The following DLGAP1 variants were observed in gnomAD, a reference collection of about 807,000 sequenced individuals.
The protein encoded by DLGAP1 is DLG associated protein 1.
A neutral mutation model predicts 90.8 loss-of-function variants in DLGAP1; 11 were observed. That is an observed-to-expected ratio of 0.12 (90% CI 0.08 to 0.20). The LOEUF is 0.20. Ranked by LOEUF, DLGAP1 falls within the 10% of genes least tolerant of loss-of-function variation. DLGAP1 has a pLI of 1.00. For missense variants in DLGAP1, 1,050 were observed against 1,333.8 expected (o/e 0.79, Z 3.31); for synonymous variants, 558 against 540.7 (o/e 1.03, Z -0.44).
chr18:4,247,918 T>C (rs1386948652), intron 1 of DLGAP1, among the ~76,000 whole-genome samples: 1 of 152,210 alleles, frequency 6.6e-6, no homozygotes, highest in Non-Finnish European at 1.5e-5. Flanking sequence ...TTATTTCTAT[T>C]TGATCTTCAA....
At chr18:3,702,264 G>A (rs1486883036) in intron 7 of DLGAP1, among the ~76,000 whole-genome samples, 1 of 152,118 alleles carries the variant, frequency 6.6e-6, no homozygotes, top group Non-Finnish European at 1.5e-5. Context: ...CCTGACCTCA[G>A]GTGATCCGCC....
At chr18:3,542,984 T>C (rs1459194554) in intron 9 of DLGAP1, among the ~76,000 whole-genome samples, 1 of 152,196 alleles carries the variant, frequency 6.6e-6, no homozygotes, top group Non-Finnish European at 1.5e-5. Flanking sequence ...TAGGAGTCTC[T>C]ATCTATATGT....
intron 7 of DLGAP1, among the ~76,000 whole-genome samples, chr18:3,685,105 T>C (rs1181254725): frequency 1.3e-5 from 2 of 152,210 alleles, no homozygotes; most frequent in African/African-American, 4.8e-5. Context: ...AATAAGCATA[T>C]CTTCCATGCT....
At chr18:4,443,749 T>A (rs2083593082) in intron 1 of DLGAP1, among the ~76,000 whole-genome samples, 1 of 152,218 alleles carries the variant, frequency 6.6e-6, no homozygotes, top group Non-Finnish European at 1.5e-5. Flanking sequence ...TCACTTTAGA[T>A]ATGCCAATAT....
Position 3,887,644 on chromosome 18 carries a change from T to C in DLGAP1, c.-72-7504A>G, listed in dbSNP as rs1008638924. ...GTCTGAACACATACATGACATTTTT[T>C]TTTAGACAGAACAAAATTAATTTTC... is the stretch of plus-strand genomic sequence containing the variant. On this transcript the variant is annotated intron_variant, in intron 3 of 12. Transcript: ENST00000315677. 3.9e-5 allele frequency among the ~76,000 whole-genome samples: 6 copies of C among 152,204 alleles called. No homozygotes were observed. In the East Asian group the frequency reaches 1.2e-3, roughly 29 times the overall value.
At chr18:3,785,351 T>C (rs2065398037) in intron 5 of DLGAP1, among the ~76,000 whole-genome samples, 1 of 152,000 alleles carries the variant, frequency 6.6e-6, no homozygotes. Flanking sequence ...AAGGAAAACA[T>C]CCCCTTCGCC....
At chr18:4,108,767 G>A (rs982417353) in intron 2 of DLGAP1, among the ~76,000 whole-genome samples, 4 of 152,158 alleles carry the variant, frequency 2.6e-5, no homozygotes, top group African/African-American at 9.7e-5. Context: ...ACTTGGTACA[G>A]GTCAGACACA....
chr18:4,069,959 C>T (rs2075423316), intron 2 of DLGAP1, among the ~76,000 whole-genome samples: 2 of 151,726 alleles, frequency 1.3e-5, no homozygotes, highest in African/African-American at 4.8e-5. Flanking sequence ...CAGACAAAGG[C>T]TTAATCCATA....
intron 1 of DLGAP1, among the ~76,000 whole-genome samples, chr18:4,423,438 C>T (rs772847122): frequency 5.3e-5 from 8 of 152,268 alleles, no homozygotes; most frequent in Admixed American, 2.0e-4. Context: ...ACTAAGTGCA[C>T]GGCATTTCAC....
intron 1 of DLGAP1, among the ~76,000 whole-genome samples, chr18:4,350,031 C>A (rs1285030599): frequency 6.6e-6 from 1 of 152,058 alleles, no homozygotes; most frequent in Non-Finnish European, 1.5e-5. Context: ...CTAAAGGATG[C>A]AATTAAAACC....
At chr18:4,230,616 T>C (rs1607969) in intron 1 of DLGAP1, among the ~76,000 whole-genome samples, 2,346 of 150,800 alleles carry the variant, frequency 0.016, 30 homozygotes, top group Middle Eastern at 0.048. Flanking sequence ...AATAGAATGA[T>C]GGTTGTCAGA....
At chr18:4,076,299 G>GGTAGAATA (rs2075522189) in intron 2 of DLGAP1, among the ~76,000 whole-genome samples, 1 of 152,046 alleles carries the variant, frequency 6.6e-6, no homozygotes, top group African/African-American at 2.4e-5. Context: ...GTTAAACACA[G>GGTAGAATA]GTAGAATAAA....
At position 3,582,242 on chromosome 18, in the gene DLGAP1, G is replaced by C; in HGVS notation, c.1598C>G (p.Ser533Cys). 1 of 1,611,618 alleles carries C rather than the reference G, an allele frequency of 6.2e-7. No homozygotes were observed. Among genetic ancestry groups the C allele is most frequent in the Non-Finnish European group, 8.5e-7 (1 of 1,178,392 alleles). ...TGTCTTCTTATATGTTGTAATGCAA[G>C]ATGACACTGGAAGACAGTGAAAACA... The part of the protein sequence containing the change: ...VRTIQSSTVS[S>C]CITTYKKTPP... Residue 533 changes from serine (S) to cysteine (C), a missense_variant, in exon 8 of 13, where the codon TCT becomes TGT. Physicochemically the swap from Ser to Cys is moderately radical, Grantham distance 112. Coordinates refer to ENST00000315677, the MANE Select transcript of DLGAP1 (RefSeq NM_004746.4).
chr18:3,865,534 T>A (rs1310783228), intron 4 of DLGAP1, among the ~76,000 whole-genome samples: 1 of 152,264 alleles, frequency 6.6e-6, no homozygotes, highest in Admixed American at 6.5e-5. Flanking sequence ...AAGTAGAACC[T>A]GTTTTTTAAA....
chr18:4,200,054 T>C (rs1005603683), intron 1 of DLGAP1, among the ~76,000 whole-genome samples: 1 of 152,216 alleles, frequency 6.6e-6, no homozygotes, highest in African/African-American at 2.4e-5. Flanking sequence ...TTATTGTATG[T>C]ATACACAGTT....
intron 1 of DLGAP1, among the ~76,000 whole-genome samples, chr18:4,327,075 A>C (rs1321830122): frequency 1.5e-5 from 2 of 131,778 alleles, no homozygotes; most frequent in African/African-American, 6.4e-5. Flanking sequence ...GAATGAAAAA[A>C]ATGTTAATTA....
chr18:4,422,517 T>C (rs955114880), intron 1 of DLGAP1, among the ~76,000 whole-genome samples: 3 of 152,060 alleles, frequency 2.0e-5, no homozygotes, highest in Non-Finnish European at 4.4e-5. Flanking sequence ...AAAGTGAATA[T>C]ATTTGTTAAA....
chr18:4,212,265 G>A (rs1189238082), intron 1 of DLGAP1, among the ~76,000 whole-genome samples: 1 of 152,086 alleles, frequency 6.6e-6, no homozygotes, highest in Admixed American at 6.6e-5. Flanking sequence ...CTGGACTATA[G>A]GTACTGCCAG....
intron 2 of DLGAP1, among the ~76,000 whole-genome samples, chr18:4,088,071 G>T: frequency 7.1e-6 from 1 of 140,270 alleles, no homozygotes; most frequent in African/African-American, 2.7e-5. Flanking sequence ...TCTTGTTTAT[G>T]TTTCTTAAAC....
Sources: allele counts gnomAD v4.1 joint callset (sites outside exome capture counted in the v4.1 genomes callset), GRCh38; gene constraint gnomAD v4.1.1; transcripts MANE v1.5; gene names NCBI Gene and HGNC (gene_info 2026-07-23, HGNC 2026-07-21).